The following ZNF608 variants were observed in gnomAD, a reference collection of about 807,000 sequenced individuals.
ZNF608 encodes renal carcinoma antigen NY-REN-36.
Under a neutral mutation model 109.0 loss-of-function variants are expected in ZNF608, and 12 were observed. The ratio of observed to expected loss-of-function variants is 0.11; its 90% CI spans 0.07 to 0.18. ZNF608 has a LOEUF of 0.18. Ranked by LOEUF, ZNF608 falls within the 10% of genes least tolerant of loss-of-function variation. The pLI is 1.00. For missense variants in ZNF608, 1,707 were observed against 1,879.3 expected, an observed-to-expected ratio of 0.91 and a Z score of 1.70; for synonymous variants, 732 against 717.4, an observed-to-expected ratio of 1.02 and a Z score of -0.33.
intron 7 of ZNF608, among the ~76,000 whole-genome samples, chr5:124,643,181 T>C (rs1251338555): frequency 2.0e-5 from 3 of 152,214 alleles, no homozygotes; most frequent in African/African-American, 7.2e-5. Flanking sequence ...TGTTACCTAA[T>C]TCCTCAATGT....
chr5:124,713,842 T>C (rs1219024281), intron 2 of ZNF608, among the ~76,000 whole-genome samples: 1 of 151,778 alleles, frequency 6.6e-6, no homozygotes, highest in Admixed American at 6.6e-5. Flanking sequence ...AAGTAGGGAG[T>C]GGACAGAAGT....
rs755749436 is a variant in ZNF608 at position 124,744,455 on chromosome 5, C to G, written c.535G>C (p.Ala179Pro). 6.2e-7 allele frequency: 1 copy of G among 1,614,236 alleles called. No individual in the cohort carries two copies. The highest frequency in any genetic ancestry group is 1.6e-4 in the Middle Eastern group (1 of 6,062). The stretch of plus-strand genomic sequence containing the variant: ...CTTTTCCCACAGGAGCCTGCCCCCG[C>G]GGTGGCGGCAGAGGTGCTGGTGCTG... ...STSTSTSAAT[A>P]GAGSCGKSKE... Residue 179 changes from alanine to proline, a missense_variant, in exon 2 of 10, where the codon GCG becomes CCG. Ala to Pro is a conservative substitution (Grantham distance 27). Coordinates refer to ENST00000513986, the MANE Select transcript of ZNF608 (RefSeq NM_020747.3). This position sits in a 1 kb window ranked among gnomAD's most constrained non-coding sequence, Gnocchi z 4.5.
chr5:124,661,028 C>T (rs1751235712), intron 3 of ZNF608, among the ~76,000 whole-genome samples: 1 of 152,192 alleles, frequency 6.6e-6, no homozygotes, highest in Non-Finnish European at 1.5e-5. Context: ...GCTGCAAATT[C>T]CAACCTGAGG....
At chr5:124,652,693 C>T (rs1254822193) in intron 3 of ZNF608, among the ~76,000 whole-genome samples, 1 of 152,192 alleles carries the variant, frequency 6.6e-6, no homozygotes, top group Non-Finnish European at 1.5e-5. Context: ...AGTATAAAGG[C>T]GGTGTTTAGG....
chr5:124,741,936 A>G (rs1014135518), intron 2 of ZNF608, among the ~76,000 whole-genome samples: 28 of 152,142 alleles, frequency 1.8e-4, no homozygotes, highest in Admixed American at 2.0e-4. Context: ...CAAGCCTTTG[A>G]GGGGCCCCTG....
intron 3 of ZNF608, among the ~76,000 whole-genome samples, chr5:124,653,438 A>T (rs1361155694): frequency 6.6e-6 from 1 of 152,194 alleles, no homozygotes; most frequent in Non-Finnish European, 1.5e-5. Flanking sequence ...TTAGGTGCCT[A>T]TTTAGTGCTA....
At chr5:124,661,098 C>T (rs1751238757) in intron 3 of ZNF608, among the ~76,000 whole-genome samples, 1 of 152,194 alleles carries the variant, frequency 6.6e-6, no homozygotes, top group Admixed American at 6.5e-5. Context: ...ATTTATCTTT[C>T]CTAACCCATC....
chr5:124,678,282 A>G (rs1268989163), intron 3 of ZNF608, among the ~76,000 whole-genome samples: 1 of 152,182 alleles, frequency 6.6e-6, no homozygotes, highest in African/African-American at 2.4e-5. Flanking sequence ...TAAAACTTCA[A>G]CTCTCAGTAC....
At chr5:124,669,064 G>A (rs1751601736) in intron 3 of ZNF608, among the ~76,000 whole-genome samples, 1 of 151,946 alleles carries the variant, frequency 6.6e-6, no homozygotes, top group South Asian at 2.1e-4. Flanking sequence ...AACCCATTTA[G>A]CACCATATTT....
Position 124,746,434 on chromosome 5 carries a change from G to A in ZNF608, c.-423C>T. The A allele has an allele frequency of 1.0e-6, 1 of 985,216 alleles. No homozygotes were observed. Among genetic ancestry groups the A allele is most frequent in the Non-Finnish European group, 1.2e-6 (1 of 829,906 alleles). 61.0% of individuals were successfully genotyped at this position (985,216 alleles called of 1,614,324 possible). On this transcript the variant is annotated 5_prime_UTR_variant, in exon 1 of 10. Transcript: ENST00000513986. ...AAAAAAATGTGTCACTGTACAGCTG[G>A]AAAATAATGTTTCACATTCACAACA... is the stretch of plus-strand genomic sequence containing the variant.
At chr5:124,710,758 C>T (rs1441438689) in intron 2 of ZNF608, 2 of 153,698 alleles carry the variant, frequency 1.3e-5, no homozygotes, top group African/African-American at 4.8e-5. Flanking sequence ...TTCTGAATCA[C>T]AGTTAAGCAA....
At chr5:124,709,395 A>G (rs1010122456) in intron 2 of ZNF608, among the ~76,000 whole-genome samples, 9 of 152,176 alleles carry the variant, frequency 5.9e-5, no homozygotes, top group African/African-American at 1.9e-4. Context: ...TCAAAGCAAA[A>G]CAGAAGGTAC....
chr5:124,694,271 GC>G (rs1415848356), intron 3 of ZNF608, among the ~76,000 whole-genome samples: 2 of 149,942 alleles, frequency 1.3e-5, no homozygotes, highest in African/African-American at 4.9e-5. Context: ...GGTATTACAG[GC>G]TTGAGCCACT....
intron 2 of ZNF608, among the ~76,000 whole-genome samples, chr5:124,730,535 G>A (rs2149891373): frequency 6.6e-6 from 1 of 152,342 alleles, no homozygotes; most frequent in East Asian, 1.9e-4. Context: ...ATAATGTACA[G>A]GAATTTATAG....
chr5:124,728,332 G>A (rs1225574438), intron 2 of ZNF608, among the ~76,000 whole-genome samples: 6 of 152,152 alleles, frequency 3.9e-5, no homozygotes, highest in Non-Finnish European at 7.3e-5. Context: ...AGGTGGATAG[G>A]AACATATCAG....
At chr5:124,692,075 T>C (rs1752650536) in intron 3 of ZNF608, among the ~76,000 whole-genome samples, 1 of 152,236 alleles carries the variant, frequency 6.6e-6, no homozygotes, top group African/African-American at 2.4e-5. Flanking sequence ...ATTGAGGATA[T>C]GAATGATTTG....
intron 3 of ZNF608, among the ~76,000 whole-genome samples, chr5:124,653,469 T>C (rs1430649315): frequency 6.6e-6 from 1 of 152,210 alleles, no homozygotes; most frequent in African/African-American, 2.4e-5. Flanking sequence ...CATGTTTTAC[T>C]TGGAGCTCCA....
intron 3 of ZNF608, among the ~76,000 whole-genome samples, chr5:124,690,098 T>C (rs1752553510): frequency 6.6e-6 from 1 of 152,166 alleles, no homozygotes; most frequent in Non-Finnish European, 1.5e-5. Flanking sequence ...CTTAAATGCA[T>C]ATTGCTAAGT....
At chr5:124,658,616 C>G (rs552071435) in intron 3 of ZNF608, among the ~76,000 whole-genome samples, 1 of 152,162 alleles carries the variant, frequency 6.6e-6, no homozygotes, top group Non-Finnish European at 1.5e-5. Flanking sequence ...GTTTGGATGA[C>G]GATTTCTAGT....
Sources: allele counts gnomAD v4.1 joint callset (sites outside exome capture counted in the v4.1 genomes callset), GRCh38; gene constraint gnomAD v4.1.1; non-coding constraint Gnocchi (gnomAD v3.1); transcripts MANE v1.5; gene names NCBI Gene and HGNC (gene_info 2026-07-23, HGNC 2026-07-21).